The following HS3ST4 variants were observed in gnomAD, a reference collection of about 807,000 sequenced individuals.
HS3ST4 encodes the protein heparan sulfate-glucosamine 3-sulfotransferase 4.
HS3ST4 carries 17 observed loss-of-function variants against 29.2 expected under a neutral mutation model. The ratio of observed to expected loss-of-function variants is 0.58; its 90% CI spans 0.40 to 0.87. The LOEUF is 0.87. HS3ST4 is among the 40% of genes least tolerant of loss of function. HS3ST4 has a pLI of 0.00. For missense variants in HS3ST4, 627 were observed against 634.5 expected (o/e 0.99, Z 0.13); for synonymous variants, 314 against 285.7 (o/e 1.10, Z -1.00).
chr16:26,083,120 A>G (rs1053377637), intron 1 of HS3ST4, among the ~76,000 whole-genome samples: 3 of 152,198 alleles, frequency 2.0e-5, no homozygotes, highest in Non-Finnish European at 2.9e-5. Flanking sequence ...TCCTTACCTG[A>G]CATAATTAGC....
At chr16:25,982,230 T>C (rs1969013965) in intron 1 of HS3ST4, among the ~76,000 whole-genome samples, 1 of 152,206 alleles carries the variant, frequency 6.6e-6, no homozygotes, top group Admixed American at 6.5e-5. Flanking sequence ...ATCTTCATTG[T>C]GTTCTCTGCC....
chr16:25,971,518 T>C (rs1968896778), intron 1 of HS3ST4, among the ~76,000 whole-genome samples: 1 of 152,210 alleles, frequency 6.6e-6, no homozygotes, highest in Non-Finnish European at 1.5e-5. Context: ...ACCATGTTTC[T>C]TGGCTCCCTC....
At chr16:25,915,597 A>G (rs1460962517) in intron 1 of HS3ST4, among the ~76,000 whole-genome samples, 1 of 152,226 alleles carries the variant, frequency 6.6e-6, no homozygotes, top group Non-Finnish European at 1.5e-5. Context: ...TCATCATATC[A>G]GACCAGGCTG....
intron 1 of HS3ST4, among the ~76,000 whole-genome samples, chr16:25,872,552 G>A (rs981902628): frequency 3.3e-5 from 5 of 152,076 alleles, no homozygotes; most frequent in Admixed American, 6.6e-5. Flanking sequence ...AGTAAGCAGA[G>A]CTCGCCCATG....
chr16:25,765,402 G>A (rs1342115281), intron 1 of HS3ST4, among the ~76,000 whole-genome samples: 2 of 152,140 alleles, frequency 1.3e-5, no homozygotes, highest in African/African-American at 2.4e-5. Context: ...CTGAATCCCC[G>A]AATGCTCCTG....
At chr16:26,047,687 T>C (rs1232140983) in intron 1 of HS3ST4, among the ~76,000 whole-genome samples, 1 of 152,188 alleles carries the variant, frequency 6.6e-6, no homozygotes, top group Non-Finnish European at 1.5e-5. Context: ...ACTCACTTCC[T>C]TCAGTTTCCA....
chr16:25,932,064 C>T (rs1968469280), intron 1 of HS3ST4, among the ~76,000 whole-genome samples: 1 of 152,156 alleles, frequency 6.6e-6, no homozygotes, highest in Non-Finnish European at 1.5e-5. Context: ...CCTGTAATCC[C>T]AGCACTTTGA....
intron 1 of HS3ST4, among the ~76,000 whole-genome samples, chr16:26,073,498 C>G (rs1009646273): frequency 2.6e-5 from 4 of 152,106 alleles, no homozygotes; most frequent in Admixed American, 2.0e-4. Context: ...CCATAGCCTC[C>G]CAAGTAGCTG....
intron 1 of HS3ST4, among the ~76,000 whole-genome samples, chr16:25,823,363 T>C (rs1357058476): frequency 6.6e-6 from 1 of 152,180 alleles, no homozygotes; most frequent in Non-Finnish European, 1.5e-5. Flanking sequence ...CTGCAACTCC[T>C]TTCCTACGAT....
At chr16:26,015,890 C>T (rs1325818810) in intron 1 of HS3ST4, among the ~76,000 whole-genome samples, 2 of 152,080 alleles carry the variant, frequency 1.3e-5, no homozygotes, top group Non-Finnish European at 1.5e-5. Flanking sequence ...TTATAACTCC[C>T]ACCCAGAGGC....
Position 25,748,704 on chromosome 16 carries a change from G to A in HS3ST4, c.734+55553G>A, listed in dbSNP as rs908905840. On this transcript the variant is annotated intron_variant, in intron 1 of 1. Transcript: ENST00000331351. ...TATTCATTCTGGAGAAGTGATTGCT[G>A]TCCTAGGTTAACTGATTGAACTTTT... is the stretch of plus-strand genomic sequence containing the variant. Among the ~76,000 whole-genome samples the A allele has an allele frequency of 3.3e-5, 5 of 152,198 alleles. No individual in the cohort carries two copies. The South Asian group carries it at 1.0e-3, about 32-fold the overall frequency.
intron 1 of HS3ST4, among the ~76,000 whole-genome samples, chr16:26,061,304 T>G (rs989720109): frequency 6.6e-6 from 1 of 152,358 alleles, no homozygotes; most frequent in African/African-American, 2.4e-5. Flanking sequence ...TTGTCTTCCT[T>G]TAACAGGAGA....
rs1051205068 is a variant in HS3ST4 at position 25,852,667 on chromosome 16, A to G, written c.734+159516A>G. 2.6e-5 allele frequency among the ~76,000 whole-genome samples: 4 copies of G among 151,888 alleles called. No individual in the cohort carries two copies. In the East Asian group the frequency reaches 5.8e-4, roughly 22 times the overall value. On this transcript the variant is annotated intron_variant, in intron 1 of 1. Coordinates refer to ENST00000331351, the MANE Select transcript of HS3ST4 (RefSeq NM_006040.3). Reference sequence around the variant, plus strand: ...ATAGGATGGAAAAAATTTCTCCTAGATTGTTACTTGTCTCTAGCTTCCTTT... The same window carrying G: ...ATAGGATGGAAAAAATTTCTCCTAGGTTGTTACTTGTCTCTAGCTTCCTTT...
At chr16:26,017,676 G>T (rs1427520689) in intron 1 of HS3ST4, among the ~76,000 whole-genome samples, 1 of 152,180 alleles carries the variant, frequency 6.6e-6, no homozygotes, top group Non-Finnish European at 1.5e-5. Context: ...AGTCATTAAT[G>T]TCTTCCTGGA....
chr16:25,744,980 G>A (rs10431903), intron 1 of HS3ST4, among the ~76,000 whole-genome samples: 43,638 of 151,818 alleles, frequency 0.29, 7,222 homozygotes, highest in East Asian at 0.63. Context: ...TTGTGAAAGC[G>A]GACTAATATA....
chr16:25,882,874 C>T (rs1004973036), intron 1 of HS3ST4, among the ~76,000 whole-genome samples: 1 of 152,134 alleles, frequency 6.6e-6, no homozygotes, highest in Non-Finnish European at 1.5e-5. Flanking sequence ...CTCGCTTCTT[C>T]CTGCAGATCC....
chr16:26,066,417 C>T (rs543650622), intron 1 of HS3ST4, among the ~76,000 whole-genome samples: 1 of 152,326 alleles, frequency 6.6e-6, no homozygotes, highest in South Asian at 2.1e-4. Flanking sequence ...ATTATCACTG[C>T]ATCATTTTGT....
intron 1 of HS3ST4, among the ~76,000 whole-genome samples, chr16:25,852,049 A>G (rs1412160717): frequency 6.6e-6 from 1 of 152,202 alleles, no homozygotes; most frequent in East Asian, 1.9e-4. Flanking sequence ...GAGGAAGTAA[A>G]GGACCCATCC....
chr16:25,907,697 C>G (rs1030490845), intron 1 of HS3ST4, among the ~76,000 whole-genome samples: 5 of 152,126 alleles, frequency 3.3e-5, no homozygotes, highest in African/African-American at 1.2e-4. Context: ...CTTCGGCACC[C>G]GGGCCCCCCA....
Sources: gnomAD v4.1 joint callset for allele counts (sites outside exome capture counted in the v4.1 genomes callset) on GRCh38, gnomAD v4.1.1 for gene constraint, MANE v1.5 for transcripts, NCBI Gene and HGNC (gene_info 2026-07-23, HGNC 2026-07-21) for gene names.